The following TP63 variants were observed in gnomAD, a reference collection of about 807,000 sequenced individuals.
TP63 encodes tumor protein p63.
In TP63, 17 loss-of-function variants were observed where a neutral mutation model predicts 82.8. The observed-to-expected ratio is 0.21, with a 90% CI of 0.14 to 0.31. The LOEUF is 0.31. Among genes scored for constraint, TP63 ranks in the 10% least tolerant of loss-of-function variants. The pLI, the probability that TP63 is intolerant of heterozygous loss-of-function variation, is 1.00. For missense variants in TP63, 648 were observed against 895.3 expected, an observed-to-expected ratio of 0.72 and a Z score of 3.52; for synonymous variants, 330 against 321.7, an observed-to-expected ratio of 1.03 and a Z score of -0.28.
intron 4 of TP63, among the ~76,000 whole-genome samples, chr3:189,813,444 C>T (rs776207044): frequency 2.0e-5 from 3 of 152,128 alleles, no homozygotes; most frequent in Non-Finnish European, 2.9e-5. Context: ...TTTCTTTGTG[C>T]TCCCCTCTAG....
chr3:189,687,740 A>G (rs574033832), intron 1 of TP63, among the ~76,000 whole-genome samples: 6 of 152,276 alleles, frequency 3.9e-5, no homozygotes, highest in African/African-American at 1.4e-4. Flanking sequence ...TGGTAGAGGA[A>G]CCATGAGTAT....
intron 1 of TP63, among the ~76,000 whole-genome samples, chr3:189,638,490 T>C (rs115806398): frequency 0.038 from 5,806 of 152,208 alleles, 143 homozygotes; most frequent in Middle Eastern, 0.054. Context: ...GTGATTCTTA[T>C]TACTAGTTTC....
intron 3 of TP63, among the ~76,000 whole-genome samples, chr3:189,752,314 C>T (rs1260999590): frequency 6.6e-6 from 1 of 152,140 alleles, no homozygotes; most frequent in Non-Finnish European, 1.5e-5. Flanking sequence ...GCTGGGATTA[C>T]AGGCATGTGC....
At chr3:189,728,525 G>A (rs1212397224) in intron 1 of TP63, among the ~76,000 whole-genome samples, 1 of 152,176 alleles carries the variant, frequency 6.6e-6, no homozygotes, top group African/African-American at 2.4e-5. Context: ...TATGTAAAAG[G>A]TCAATCTGTA....
chr3:189,869,185 A>G (rs1002312997), intron 8 of TP63, 139 bp from the exon 9 acceptor site: 2 of 710,258 alleles, frequency 2.8e-6, no homozygotes, highest in Non-Finnish European at 2.4e-6. Flanking sequence ...CTAATCTTAC[A>G]TGTGTTGCTG....
chr3:189,642,175 A>G (rs1449442173), intron 1 of TP63, among the ~76,000 whole-genome samples: 1 of 152,202 alleles, frequency 6.6e-6, no homozygotes, highest in Non-Finnish European at 1.5e-5. Context: ...TTAAGTTAAT[A>G]GATGTAAGAT....
chr3:189,660,358 G>A (rs1713764739), intron 1 of TP63, among the ~76,000 whole-genome samples: 1 of 151,990 alleles, frequency 6.6e-6, no homozygotes, highest in Non-Finnish European at 1.5e-5. Context: ...TATGGCTATA[G>A]GTGTATGGCT....
intron 3 of TP63, among the ~76,000 whole-genome samples, chr3:189,804,090 C>T (rs1027454978): frequency 3.9e-5 from 6 of 152,116 alleles, no homozygotes; most frequent in Non-Finnish European, 7.3e-5. Context: ...GACATGGGGG[C>T]TCTATGGAGT....
At chr3:189,689,335 C>T (rs867187939) in intron 1 of TP63, among the ~76,000 whole-genome samples, 12 of 151,904 alleles carry the variant, frequency 7.9e-5, no homozygotes, top group Middle Eastern at 6.8e-3. Flanking sequence ...AGGCTAGTCT[C>T]AAACTCCTGA....
chr3:189,821,957 A>C (rs1490370200), intron 4 of TP63, among the ~76,000 whole-genome samples: 2 of 152,144 alleles, frequency 1.3e-5, no homozygotes, highest in Non-Finnish European at 2.9e-5. Context: ...TCTTTTACTA[A>C]AGGACAAATA....
the TP63 span, among the ~76,000 whole-genome samples, chr3:189,602,231 A>C: frequency 1.3e-5 from 2 of 152,234 alleles, no homozygotes; most frequent in Admixed American, 6.5e-5. Context: ...TAATTCAAAA[A>C]TAATAGGAGG....
chr3:189,735,787 T>C (rs546365740), intron 1 of TP63, among the ~76,000 whole-genome samples: 1 of 152,290 alleles, frequency 6.6e-6, no homozygotes, highest in South Asian at 2.1e-4. Context: ...ATACTGACTG[T>C]GGTGATAGAT....
chr3:189,755,859 G>A (rs1231640028), intron 3 of TP63, among the ~76,000 whole-genome samples: 1 of 152,166 alleles, frequency 6.6e-6, no homozygotes, highest in Non-Finnish European at 1.5e-5. Context: ...CTGAAGGCCT[G>A]TCTAGATGTC....
At chr3:189,882,079 A>G (rs991739477) in intron 10 of TP63, among the ~76,000 whole-genome samples, 1 of 151,992 alleles carries the variant, frequency 6.6e-6, no homozygotes, top group African/African-American at 2.4e-5. Context: ...TATATTTGAG[A>G]TAAAAGTATA....
In TP63 at chr3:189,784,933, T is replaced by C. The variant is rs578217692; in HGVS notation, c.325-23339T>C. 2.0e-5 allele frequency among the ~76,000 whole-genome samples: 3 copies of C among 152,190 alleles called. No homozygotes were observed. The South Asian group carries it at 6.2e-4, about 31-fold the overall frequency. On this transcript the variant is annotated intron_variant, in intron 3 of 13. Coordinates refer to ENST00000264731, the MANE Select transcript of TP63 (RefSeq NM_003722.5). ...TTTAAAAGTTACTCAGTGTGTTCTG[T>C]TGATCATCCTTCAACTTAATGGTAG...
chr3:189,615,409 C>G, the TP63 span, among the ~76,000 whole-genome samples: 1 of 152,180 alleles, frequency 6.6e-6, no homozygotes, highest in Non-Finnish European at 1.5e-5. Context: ...ATCACTGTCG[C>G]CTCTCCCTCT....
At chr3:189,891,921 G>A (rs755448432) in intron 13 of TP63, among the ~76,000 whole-genome samples, 16 of 152,014 alleles carry the variant, frequency 1.1e-4, no homozygotes, top group Non-Finnish European at 2.2e-4. Context: ...CTTGAGCACC[G>A]ATGCTAGAGA....
chr3:189,873,790 G>A (rs1718720534), intron 10 of TP63, among the ~76,000 whole-genome samples: 1 of 152,048 alleles, frequency 6.6e-6, no homozygotes, highest in Non-Finnish European at 1.5e-5. Context: ...ACCTTTCTGT[G>A]GTTAAAAATA....
intron 4 of TP63, among the ~76,000 whole-genome samples, chr3:189,833,155 C>A (rs952760288): frequency 6.6e-6 from 1 of 152,112 alleles, no homozygotes; most frequent in Non-Finnish European, 1.5e-5. Context: ...TTAGTTTAAG[C>A]CTTTTGTTAT....
Sources: gnomAD v4.1 joint callset for allele counts (sites outside exome capture counted in the v4.1 genomes callset) on GRCh38, gnomAD v4.1.1 for gene constraint, MANE v1.5 for transcripts, NCBI Gene and HGNC (gene_info 2026-07-23, HGNC 2026-07-21) for gene names.